Variants in MTMR4 observed in about 807,000 individuals in gnomAD.
MTMR4 encodes myotubularin related protein 4, also known as phosphatidylinositol-3,5-bisphosphate 3-phosphatase MTMR4.
A neutral mutation model predicts 125.5 loss-of-function variants in MTMR4; 30 were observed. The observed-to-expected ratio is 0.24, with a 90% CI of 0.18 to 0.32. MTMR4 has a LOEUF of 0.32. Among genes scored for constraint, MTMR4 ranks in the 10% least tolerant of loss-of-function variants. MTMR4 has a pLI of 1.00. For synonymous variants in MTMR4, 498 were observed against 564.5 expected (o/e 0.88, Z 1.67); for missense variants, 1,039 against 1,511.5 (o/e 0.69, Z 5.18).
intron 17 of MTMR4, 85 bp from the exon 18 acceptor site, chr17:58,491,925 C>T: frequency 1.5e-6 from 2 of 1,318,386 alleles, no homozygotes; most frequent in Non-Finnish European, 2.1e-6. Flanking sequence ...AATCCCTGCA[C>T]TTTGGTAGGC....
At position 58,512,346 on chromosome 17, in the gene MTMR4, T is replaced by C. The variant is rs1303983354; in HGVS notation, c.252+44A>G. 4 of 1,485,754 alleles carry C rather than the reference T, an allele frequency of 2.7e-6. No homozygotes were observed. In the African/African-American group the frequency reaches 4.1e-5, roughly 15 times the overall value. The allele number at this position is 1,485,754 out of a possible 1,614,324, so 92.0% of individuals were successfully genotyped here. The stretch of plus-strand genomic sequence containing the variant: ...TGGAACAATCCCACCTTGAACTTCA[T>C]AGGGATTCTAGCTTAGGGGTAGGAG... On this transcript the variant is annotated intron_variant, in intron 3 of 17. Coordinates refer to ENST00000682306, the MANE Select transcript of MTMR4 (RefSeq NM_001378067.1). This position sits in a 1 kb window ranked among gnomAD's most constrained non-coding sequence, Gnocchi z 4.1.
In MTMR4 at chr17:58,504,833, C is replaced by A. The variant is rs777913023; in HGVS notation, c.1287G>T (p.Pro429=). 1 of 1,613,904 alleles carries A rather than the reference C, an allele frequency of 6.2e-7. No individual in the cohort carries two copies. Residue 429 remains proline (P), a synonymous_variant, in exon 11 of 18, where the codon CCG becomes CCT. Coordinates refer to ENST00000682306, the MANE Select transcript of MTMR4 (RefSeq NM_001378067.1). This position sits in a 1 kb window ranked among gnomAD's most constrained non-coding sequence, Gnocchi z 7.1. The part of the protein sequence containing the change: ...VHCSDGWDRT[P]QIVALAKILL... ...ATATTTTGGCCAGGGCTACGATCTG[C>A]GGTGTGCGGTCCCAGCCATCTGAGC...
Position 58,504,701 on chromosome 17 carries a change from C to A in MTMR4, c.1341+78G>T. On this transcript the variant is annotated intron_variant, in intron 11 of 17. Coordinates refer to ENST00000682306, the MANE Select transcript of MTMR4 (RefSeq NM_001378067.1). This position sits in a 1 kb window ranked among gnomAD's most constrained non-coding sequence, Gnocchi z 7.1. ...CCAATGTCCTCTACTGAAAGATCCC[C>A]AGGACAGATCCAGAGGGCTCAACAC... The A allele has an allele frequency of 6.8e-7, 1 of 1,477,874 alleles. No individual in the cohort carries two copies. The highest frequency in any genetic ancestry group is 9.2e-7 in the Non-Finnish European group (1 of 1,092,380). 91.5% of individuals were successfully genotyped at this position (1,477,874 alleles called of 1,614,324 possible).
rs759804949 is a variant in MTMR4 at position 58,495,687 on chromosome 17, T to A, written c.2497A>T (p.Ser833Cys). ...HSLSTVCNPP[S>C]AACQTPLDPS... ...TCTAGAGGAGTTTGGCAGGCAGCAC[T>A]CGGTGGGTTGCAAACGGTGCTGAGG... The change falls in exon 15 of 18, where the codon AGT becomes TGT. Residue 833 changes from serine to cysteine, a missense_variant. Physicochemically the swap from Ser to Cys is moderately radical, Grantham distance 112. Transcript: ENST00000682306. 1 of 1,614,134 alleles carries A rather than the reference T, an allele frequency of 6.2e-7. No homozygotes were observed. The highest frequency in any genetic ancestry group is 8.5e-7 in the Non-Finnish European group (1 of 1,180,020).
At chr17:58,501,968 A>G (rs1301382022) in intron 14 of MTMR4, among the ~76,000 whole-genome samples, 1 of 151,822 alleles carries the variant, frequency 6.6e-6, no homozygotes, top group Non-Finnish European at 1.5e-5. Context: ...CTGGGGCAGG[A>G]GAATCACCTG....
intron 14 of MTMR4, among the ~76,000 whole-genome samples, chr17:58,498,032 A>G (rs1975518319): frequency 6.6e-6 from 1 of 152,206 alleles, no homozygotes; most frequent in Admixed American, 6.5e-5. Flanking sequence ...GTCCAAGACC[A>G]GCCTGGCCAA....
chr17:58,494,865 G>A, intron 15 of MTMR4, 67 bp downstream of exon 15: 1 of 1,467,956 alleles, frequency 6.8e-7, no homozygotes, highest in Non-Finnish European at 9.3e-7. Context: ...ACGAATAAAT[G>A]CTGAATGGAG....
chr17:58,506,218 G>A (rs1404678214), intron 9 of MTMR4, among the ~76,000 whole-genome samples: 1 of 152,104 alleles, frequency 6.6e-6, no homozygotes, highest in Non-Finnish European at 1.5e-5. Flanking sequence ...GGGTCTCATG[G>A]TCACCCAGGC....
chr17:58,512,568 G>T lies in MTMR4; in HGVS notation c.136-62C>A. On this transcript the variant is annotated intron_variant, in intron 2 of 17. Transcript: ENST00000682306. The surrounding 1 kb of genome is among the most constrained non-coding windows in gnomAD (Gnocchi z 4.1). The stretch of plus-strand genomic sequence containing the variant: ...AGTGACCACCTTATCCTCTTCTACA[G>T]CCCCTGATCTGTGGGATCCCCTCTG... The T allele has an allele frequency of 7.5e-7, 1 of 1,334,568 alleles. No homozygotes were observed. 82.7% of individuals were successfully genotyped at this position (1,334,568 alleles called of 1,614,324 possible).
Position 58,511,470 on chromosome 17 carries a change from C to T in MTMR4, c.294G>A (p.Met98Ile), listed in dbSNP as rs1169095337. The T allele has an allele frequency of 1.2e-6, 2 of 1,612,834 alleles. No homozygotes were observed. Among genetic ancestry groups the T allele is most frequent in the South Asian group, 2.2e-5 (2 of 90,580 alleles). The change falls in exon 4 of 18, where the codon ATG becomes ATA. Residue 98 changes from methionine (M) to isoleucine (I), a missense_variant. Around this residue, in one of 6 missense-constraint regions of MTMR4, gnomAD observed 202 missense variants for 311.9 expected, o/e 0.65. Coordinates refer to ENST00000682306, the MANE Select transcript of MTMR4 (RefSeq NM_001378067.1). ...RMIDSVESRDMFQLHISCKDS... is the reference protein window; with the variant it reads ...RMIDSVESRDIFQLHISCKDS... ...CCTTGCAGGAAATGTGCAACTGGAA[C>T]ATATCACGGCTCTCCACACTGTCAA...
Position 58,504,586 on chromosome 17 carries a change from A to T in MTMR4, c.1342-98T>A. The T allele has an allele frequency of 2.1e-6, 3 of 1,442,214 alleles. No individual in the cohort carries two copies. The highest frequency in any genetic ancestry group is 2.8e-6 in the Non-Finnish European group (3 of 1,069,092). The allele number at this position is 1,442,214 out of a possible 1,614,324, so 89.3% of individuals were successfully genotyped here. ...CCAAAGCAGGAAGCTGGCAGCTTCA[A>T]AGAAAAATAGGACTGGACCTAGAAG... On this transcript the variant is annotated intron_variant, in intron 11 of 17. Transcript: ENST00000682306. The surrounding 1 kb of genome is among the most constrained non-coding windows in gnomAD (Gnocchi z 7.1).
rs1906499334 is a variant in MTMR4 at position 58,490,914 on chromosome 17, T to C, written c.*749A>G. On this transcript the variant is annotated 3_prime_UTR_variant, in exon 18 of 18. Coordinates refer to ENST00000682306, the MANE Select transcript of MTMR4 (RefSeq NM_001378067.1). ...CAGTGCATAACTCAAGAGCTGCCACTGTGTAACAGAGACGACTGCCTTCAC... is the reference window on the plus strand; with the variant it reads ...CAGTGCATAACTCAAGAGCTGCCACCGTGTAACAGAGACGACTGCCTTCAC... 6.6e-6 allele frequency: 1 copy of C among 152,654 alleles called. No homozygotes were observed. The highest frequency in any genetic ancestry group is 1.5e-5 in the Non-Finnish European group (1 of 68,048). 9.5% of individuals were successfully genotyped at this position (152,654 alleles called of 1,614,324 possible). A position where few individuals can be genotyped will look rare whatever the true frequency, so the allele number is the denominator to read the frequency against.
chr17:58,517,295 G>A (rs765285112), upstream of MTMR4, among the ~76,000 whole-genome samples: 2 of 152,254 alleles, frequency 1.3e-5, no homozygotes, highest in African/African-American at 2.4e-5. Flanking sequence ...AAGTAACAGG[G>A]ATTTCAGGAT....
At chr17:58,494,499 C>T (rs1019021514) in intron 15 of MTMR4, among the ~76,000 whole-genome samples, 2 of 152,136 alleles carry the variant, frequency 1.3e-5, no homozygotes, top group African/African-American at 4.8e-5. Context: ...CACCTCCCAC[C>T]ACCCTATTTG....
chr17:58,492,378 C>T, intron 17 of MTMR4, 133 bp downstream of exon 17: 1 of 734,158 alleles, frequency 1.4e-6, no homozygotes, highest in Non-Finnish European at 2.3e-6. Context: ...ACCATGTTGG[C>T]CAGGATGGTC....
At position 58,508,121 on chromosome 17, in the gene MTMR4, TAAGA is replaced by T. The variant is rs1975825224; in HGVS notation, c.707+36_707+39del. The T allele has an allele frequency of 3.3e-6, 5 of 1,504,058 alleles. No homozygotes were observed. In the East Asian group the frequency reaches 1.1e-4, roughly 34 times the overall value. 93.2% of individuals were successfully genotyped at this position (1,504,058 alleles called of 1,614,324 possible). On this transcript the variant is annotated intron_variant, in intron 7 of 17. Coordinates refer to ENST00000682306, the MANE Select transcript of MTMR4 (RefSeq NM_001378067.1). The surrounding 1 kb of genome is among the most constrained non-coding windows in gnomAD (Gnocchi z 4.8). Reference sequence around the variant, plus strand: ...CAATTTTGACTCTTTCCTTGTTGCATAAGAAATGGCCTCCCTACTTCCCAGCCCC... The same window carrying T: ...CAATTTTGACTCTTTCCTTGTTGCATAATGGCCTCCCTACTTCCCAGCCCC...
intron 14 of MTMR4, among the ~76,000 whole-genome samples, chr17:58,498,386 C>T (rs755394879): frequency 1.3e-5 from 2 of 151,446 alleles, no homozygotes; most frequent in African/African-American, 4.9e-5. Context: ...CCTGAGTTTA[C>T]AACAAGGAGA....
Position 58,495,327 on chromosome 17 carries a change from T to C in MTMR4, c.2857A>G (p.Ser953Gly). 1 of 1,614,222 alleles carries C rather than the reference T, an allele frequency of 6.2e-7. No homozygotes were observed. Among genetic ancestry groups the C allele is most frequent in the Non-Finnish European group, 8.5e-7 (1 of 1,180,044 alleles). The change falls in exon 15 of 18, where the codon AGT (serine) becomes GGT (glycine). Residue 953 changes from serine (S) to glycine (G), a missense_variant. Ser to Gly is a moderately conservative substitution (Grantham distance 56). Transcript: ENST00000682306. ...SYGCCSKRPNSKQMRATGPCF... is the reference protein window; with the variant it reads ...SYGCCSKRPNGKQMRATGPCF... ...GGCCCTGTGGCCCGCATCTGCTTAC[T>C]GTTTGGCCTCTTGCTACAACAGCCA...
intron 14 of MTMR4, among the ~76,000 whole-genome samples, chr17:58,500,490 C>T (rs1567930478): frequency 6.6e-6 from 1 of 151,524 alleles, no homozygotes; most frequent in African/African-American, 2.4e-5. Flanking sequence ...TTGGCCGGGT[C>T]TGGTAATCCC....
Sources: allele counts gnomAD v4.1 joint callset (sites outside exome capture counted in the v4.1 genomes callset), GRCh38; gene constraint gnomAD v4.1.1; regional missense constraint gnomAD v4.1.1; non-coding constraint Gnocchi (gnomAD v3.1); transcripts MANE v1.5; gene names NCBI Gene and HGNC (gene_info 2026-07-23, HGNC 2026-07-21).